CFAP299: variants seen among roughly 807,000 people sequenced by gnomAD.
The protein encoded by CFAP299 is cilia and flagella associated protein 299.
Under a neutral mutation model 27.0 loss-of-function variants are expected in CFAP299, and 21 were observed. The ratio of observed to expected loss-of-function variants is 0.78; its 90% confidence interval spans 0.55 to 1.12. The LOEUF (loss-of-function observed/expected upper bound fraction) is 1.12. Among genes scored for constraint, CFAP299 ranks in the 50% most tolerant of loss-of-function variants. CFAP299 has a pLI of 0.00. For missense variants in CFAP299, 310 were observed against 276.6 expected (o/e 1.12, Z -0.86); for synonymous variants, 104 against 98.1 (o/e 1.06, Z -0.36).
chr4:80,495,206 G>A (rs1731374634), intron 2 of CFAP299, among the ~76,000 whole-genome samples: 1 of 152,164 alleles, frequency 6.6e-6, no homozygotes, highest in African/African-American at 2.4e-5. Context: ...AAGTTAGCAA[G>A]AAGAAAGAGA....
At chr4:80,586,297 TA>T (rs1039640941) in intron 3 of CFAP299, among the ~76,000 whole-genome samples, 1 of 152,086 alleles carries the variant, frequency 6.6e-6, no homozygotes, top group Non-Finnish European at 1.5e-5. Flanking sequence ...CTGCTAAAGC[TA>T]TAATTGTGAA....
intron 2 of CFAP299, among the ~76,000 whole-genome samples, chr4:80,462,119 C>T (rs1729467438): frequency 6.6e-6 from 1 of 152,128 alleles, no homozygotes; most frequent in African/African-American, 2.4e-5. Context: ...TAGTGCAGTA[C>T]AAGACAAATG....
At chr4:80,679,797 C>T (rs536637487) in intron 3 of CFAP299, among the ~76,000 whole-genome samples, 13 of 147,458 alleles carry the variant, frequency 8.8e-5, no homozygotes, top group Non-Finnish European at 1.9e-4. Context: ...TGGATTTTTG[C>T]TACTTCACTG....
chr4:80,611,131 A>C (rs1737952682), intron 3 of CFAP299, among the ~76,000 whole-genome samples: 1 of 152,026 alleles, frequency 6.6e-6, no homozygotes, highest in Admixed American at 6.6e-5. Context: ...TTTTAAAGTC[A>C]TGGCCTTTCA....
intron 2 of CFAP299, among the ~76,000 whole-genome samples, chr4:80,433,858 G>T (rs1727938940): frequency 6.6e-6 from 1 of 152,086 alleles, no homozygotes; most frequent in South Asian, 2.1e-4. Context: ...TGGGAATTTT[G>T]TAACCAGTAT....
At chr4:80,848,105 G>T (rs1731282939) in intron 3 of CFAP299, among the ~76,000 whole-genome samples, 1 of 151,858 alleles carries the variant, frequency 6.6e-6, no homozygotes, top group Non-Finnish European at 1.5e-5. Flanking sequence ...CAGCTACTCG[G>T]GAGGCTGAGG....
chr4:80,738,108 A>T (rs1478990403), intron 3 of CFAP299, among the ~76,000 whole-genome samples: 1 of 152,100 alleles, frequency 6.6e-6, no homozygotes, highest in Non-Finnish European at 1.5e-5. Context: ...CTATTATTTC[A>T]ATTTTTTGAA....
intron 3 of CFAP299, among the ~76,000 whole-genome samples, chr4:80,688,874 G>T (rs1259010263): frequency 6.6e-6 from 1 of 151,898 alleles, no homozygotes; most frequent in Non-Finnish European, 1.5e-5. Flanking sequence ...GAAAACCAAG[G>T]CTCGAGAACT....
intron 1 of CFAP299, among the ~76,000 whole-genome samples, chr4:80,352,453 G>A (rs755478745): frequency 5.3e-5 from 8 of 152,106 alleles, no homozygotes; most frequent in Non-Finnish European, 1.2e-4. Context: ...TGTAATCCCA[G>A]CTACTTGGGA....
chr4:80,722,157 C>A (rs544528505), intron 3 of CFAP299, among the ~76,000 whole-genome samples: 12 of 152,228 alleles, frequency 7.9e-5, no homozygotes, highest in African/African-American at 2.6e-4. Flanking sequence ...GTGGCTCATG[C>A]CTGTAATCTC....
At chr4:80,830,849 A>T (rs920229000) in intron 3 of CFAP299, among the ~76,000 whole-genome samples, 6 of 152,174 alleles carry the variant, frequency 3.9e-5, no homozygotes, top group Non-Finnish European at 8.8e-5. Context: ...TACCTGTGAG[A>T]AGAGCAAGGA....
chr4:80,866,059 TTATATATATATATA>T (rs70956073), intron 3 of CFAP299, among the ~76,000 whole-genome samples: 3,134 of 58,376 alleles, frequency 0.054, 206 homozygotes, highest in South Asian at 0.16. Flanking sequence ...ACTTAAAGTA[TTATATATATATATA>T]TATATATATA....
chr4:80,436,391 C>T (rs1728079881), intron 2 of CFAP299, among the ~76,000 whole-genome samples: 1 of 151,360 alleles, frequency 6.6e-6, no homozygotes, highest in Admixed American at 6.6e-5. Context: ...CTCCGCCTCA[C>T]AGGTTCACGC....
At chr4:80,701,126 G>C (rs1259938760) in intron 3 of CFAP299, among the ~76,000 whole-genome samples, 1 of 151,936 alleles carries the variant, frequency 6.6e-6, no homozygotes, top group Non-Finnish European at 1.5e-5. Flanking sequence ...TGAATAAAAA[G>C]GTTAATGGAT....
intron 3 of CFAP299, among the ~76,000 whole-genome samples, chr4:80,736,742 G>A (rs1386781887): frequency 6.6e-6 from 1 of 152,156 alleles, no homozygotes; most frequent in East Asian, 1.9e-4. Flanking sequence ...AACCACTGTG[G>A]AAGTCAGTGT....
At chr4:80,622,566 A>AT (rs201284249) in intron 3 of CFAP299, among the ~76,000 whole-genome samples, 1 of 152,138 alleles carries the variant, frequency 6.6e-6, no homozygotes, top group Non-Finnish European at 1.5e-5. Flanking sequence ...GGCCTTTATA[A>AT]TTTTTTATTG....
At chr4:80,427,110 G>T (rs140921270) in intron 2 of CFAP299, among the ~76,000 whole-genome samples, 71 of 152,176 alleles carry the variant, frequency 4.7e-4, no homozygotes, top group Non-Finnish European at 8.4e-4. Flanking sequence ...ACAAGCAAAA[G>T]AATTTGAGGA....
At chr4:80,713,382 G>A (rs966485447) in intron 3 of CFAP299, among the ~76,000 whole-genome samples, 1 of 152,146 alleles carries the variant, frequency 6.6e-6, no homozygotes, top group Non-Finnish European at 1.5e-5. Flanking sequence ...AAACTTTACA[G>A]TAAGATGCCA....
At chr4:80,420,372 TC>T (rs1364571205) in intron 2 of CFAP299, 1 of 301,134 alleles carries the variant, frequency 3.3e-6, no homozygotes, top group Non-Finnish European at 6.9e-6. Context: ...AACAGTCATC[TC>T]AAAATATGTC....
Sources: gnomAD v4.1 joint callset for allele counts (sites outside exome capture counted in the v4.1 genomes callset) on GRCh38, gnomAD v4.1.1 for gene constraint, MANE v1.5 for transcripts, NCBI Gene and HGNC (gene_info 2026-07-23, HGNC 2026-07-21) for gene names.